NDUFAF2: variants seen among roughly 807,000 people sequenced by gnomAD.
The protein encoded by NDUFAF2 is NADH:ubiquinone oxidoreductase complex assembly factor 2, also known as NADH dehydrogenase [ubiquinone] 1 alpha subcomplex assembly factor 2.
Under a neutral mutation model 22.8 loss-of-function variants are expected in NDUFAF2, and 13 were observed. That is an observed-to-expected ratio of 0.57 (90% CI 0.37 to 0.91). NDUFAF2 has a LOEUF of 0.91. Ranked by LOEUF, NDUFAF2 falls within the 40% of genes least tolerant of loss-of-function variation. The pLI is 0.01. For missense variants in NDUFAF2, 162 were observed against 195.2 expected, an observed-to-expected ratio of 0.83 and a Z score of 1.01; for synonymous variants, 53 against 64.2, an observed-to-expected ratio of 0.83 and a Z score of 0.84.
intron 1 of NDUFAF2, among the ~76,000 whole-genome samples, chr5:61,013,454 A>T (rs1207890913): frequency 1.3e-5 from 2 of 152,046 alleles, no homozygotes; most frequent in Non-Finnish European, 2.9e-5. Context: ...TATTGATTTA[A>T]TGCTTTGTGC....
At chr5:61,109,173 T>G (rs941395630) in intron 3 of NDUFAF2, among the ~76,000 whole-genome samples, 2 of 152,210 alleles carry the variant, frequency 1.3e-5, no homozygotes, top group Non-Finnish European at 2.9e-5. Flanking sequence ...GATCTTTCAC[T>G]TCTTGGTTAA....
rs1053058453 is a variant in NDUFAF2 at position 61,107,233 on chromosome 5, T to C, written c.258+8201T>C. 6.2e-4 allele frequency among the ~76,000 whole-genome samples: 94 copies of C among 151,440 alleles called. 3 individuals carry two copies. The highest frequency in any genetic ancestry group is 2.3e-3 in the African/African-American group (92 of 40,850). ...TACAAGGGTTCCCTTTTCTCCACAT[T>C]TTCACCAGCATTTGTTATTGCCCAT... On this transcript the variant is annotated intron_variant, in intron 3 of 3. Coordinates refer to ENST00000296597, the MANE Select transcript of NDUFAF2 (RefSeq NM_174889.5).
chr5:61,090,605 T>C (rs935836846), intron 2 of NDUFAF2, among the ~76,000 whole-genome samples: 1 of 152,100 alleles, frequency 6.6e-6, no homozygotes, highest in Admixed American at 6.6e-5. Context: ...TTTATAGATA[T>C]ATAGTTCATG....
At chr5:61,036,760 G>C (rs938121979) in intron 1 of NDUFAF2, among the ~76,000 whole-genome samples, 1 of 152,316 alleles carries the variant, frequency 6.6e-6, no homozygotes, top group South Asian at 2.1e-4. Flanking sequence ...CCTTGGGCCA[G>C]TGGGAATAGC....
intron 3 of NDUFAF2, among the ~76,000 whole-genome samples, chr5:61,099,964 C>A (rs954162765): frequency 6.6e-6 from 1 of 152,116 alleles, no homozygotes; most frequent in Non-Finnish European, 1.5e-5. Context: ...TTGCTCCATA[C>A]ATTTGTCATA....
intron 1 of NDUFAF2, among the ~76,000 whole-genome samples, chr5:61,071,339 A>C (rs1331525592): frequency 6.6e-6 from 1 of 152,220 alleles, no homozygotes; most frequent in African/African-American, 2.4e-5. Flanking sequence ...AATGAAATGC[A>C]GAACTTCCTG....
chr5:60,960,665 C>G (rs932613812), intron 1 of NDUFAF2, among the ~76,000 whole-genome samples: 2 of 152,138 alleles, frequency 1.3e-5, no homozygotes, highest in African/African-American at 4.8e-5. Flanking sequence ...ATATGTCAGA[C>G]TTCACTGTTT....
chr5:61,149,900 A>G (rs1252654268), intron 3 of NDUFAF2, among the ~76,000 whole-genome samples: 1 of 152,066 alleles, frequency 6.6e-6, no homozygotes, highest in Non-Finnish European at 1.5e-5. Context: ...ATCAATTCCA[A>G]ATATTTTCAT....
At chr5:61,030,597 C>T (rs1751710713) in intron 1 of NDUFAF2, among the ~76,000 whole-genome samples, 1 of 151,940 alleles carries the variant, frequency 6.6e-6, no homozygotes, top group African/African-American at 2.4e-5. Flanking sequence ...GGTTAGTTTT[C>T]TGCCTTAGCT....
intron 3 of NDUFAF2, chr5:61,115,092 T>C (rs1752894846): frequency 6.6e-6 from 1 of 152,404 alleles, no homozygotes; most frequent in Non-Finnish European, 1.5e-5. Flanking sequence ...GTTGCTCTAT[T>C]CTACTGTGGC....
chr5:61,100,631 T>C (rs1180078514), intron 3 of NDUFAF2, among the ~76,000 whole-genome samples: 1 of 152,068 alleles, frequency 6.6e-6, no homozygotes, highest in African/African-American at 2.4e-5. Flanking sequence ...AAATTACCAT[T>C]CACCATTAAT....
intron 1 of NDUFAF2, among the ~76,000 whole-genome samples, chr5:60,991,184 A>T (rs1751153652): frequency 6.6e-6 from 1 of 151,994 alleles, no homozygotes; most frequent in African/African-American, 2.4e-5. Context: ...AAATGTTTTT[A>T]AAAATGTTTG....
At chr5:60,948,810 A>G (rs746998793) in intron 1 of NDUFAF2, among the ~76,000 whole-genome samples, 5 of 152,116 alleles carry the variant, frequency 3.3e-5, no homozygotes, top group Non-Finnish European at 7.4e-5. Flanking sequence ...TCTTGATGTA[A>G]TATTTAGAAA....
At chr5:61,075,105 A>G (rs1752351247) in intron 2 of NDUFAF2, among the ~76,000 whole-genome samples, 1 of 152,170 alleles carries the variant, frequency 6.6e-6, no homozygotes, top group African/African-American at 2.4e-5. Flanking sequence ...ACCAAACCAT[A>G]TCACCCATTT....
chr5:61,120,407 T>C (rs1040395318), intron 3 of NDUFAF2, among the ~76,000 whole-genome samples: 1 of 152,114 alleles, frequency 6.6e-6, no homozygotes, highest in Non-Finnish European at 1.5e-5. Context: ...AAAACATTTA[T>C]TTTAGGCAGG....
intron 3 of NDUFAF2, among the ~76,000 whole-genome samples, chr5:61,101,963 T>TG (rs1451297593): frequency 6.6e-6 from 1 of 152,174 alleles, no homozygotes; most frequent in African/African-American, 2.4e-5. Flanking sequence ...GAAAGACTTG[T>TG]TAAAACACAG....
chr5:60,990,444 A>G lies in NDUFAF2; in HGVS notation c.127+45062A>G, dbSNP rs537578027. On this transcript the variant is annotated intron_variant, in intron 1 of 3. Coordinates refer to ENST00000296597, the MANE Select transcript of NDUFAF2 (RefSeq NM_174889.5). Reference sequence around the variant, plus strand: ...GTACCCCTAAAATTAAAAATTAAAAAGTGAAATTATGAGCAATTCATAAGG... The same window carrying G: ...GTACCCCTAAAATTAAAAATTAAAAGGTGAAATTATGAGCAATTCATAAGG... 5.3e-5 allele frequency among the ~76,000 whole-genome samples: 8 copies of G among 152,266 alleles called. No homozygotes were observed. The South Asian group carries it at 1.7e-3, about 32-fold the overall frequency.
intron 2 of NDUFAF2, among the ~76,000 whole-genome samples, chr5:61,090,678 T>C (rs998235833): frequency 3.3e-5 from 5 of 152,066 alleles, no homozygotes; most frequent in Non-Finnish European, 7.4e-5. Context: ...ATAAGTAACT[T>C]TATTTTTAAA....
At chr5:60,968,642 C>T (rs1392950349) in intron 1 of NDUFAF2, among the ~76,000 whole-genome samples, 5 of 151,778 alleles carry the variant, frequency 3.3e-5, no homozygotes, top group African/African-American at 1.2e-4. Context: ...TTTGATATAG[C>T]TGTGCAATAA....
Sources: allele counts gnomAD v4.1 joint callset (sites outside exome capture counted in the v4.1 genomes callset), GRCh38; gene constraint gnomAD v4.1.1; transcripts MANE v1.5; gene names NCBI Gene and HGNC (gene_info 2026-07-23, HGNC 2026-07-21).